Variants in TBC1D9B observed in about 807,000 individuals in gnomAD.
TBC1D9B encodes TBC1 domain family member 9B, also known as TBC1 domain family, member 9B (with GRAM domain).
TBC1D9B carries 87 observed loss-of-function variants against 121.1 expected under a neutral mutation model. The observed-to-expected ratio is 0.72, with a 90% confidence interval of 0.60 to 0.86. TBC1D9B has a LOEUF of 0.86. Ranked by LOEUF, TBC1D9B falls within the 40% of genes least tolerant of loss-of-function variation. The pLI is 0.00. For synonymous variants in TBC1D9B, 668 were observed against 670.1 expected (o/e 1.00, Z 0.05); for missense variants, 1,540 against 1,628.6 (o/e 0.95, Z 0.94).
intron 17 of TBC1D9B, 166 bp from the exon 18 acceptor site, chr5:179,868,015 T>C (rs1760073814): frequency 6.0e-6 from 3 of 503,258 alleles, no homozygotes; most frequent in Non-Finnish European, 9.9e-6. Flanking sequence ...ATGGTGATGA[T>C]TGGTTCTGGT....
chr5:179,877,772 T>C (rs533563275), intron 10 of TBC1D9B, among the ~76,000 whole-genome samples: 1 of 152,066 alleles, frequency 6.6e-6, no homozygotes, highest in South Asian at 2.1e-4. Context: ...TGGATGACCC[T>C]TGAGGATATC....
rs2113598678 is a variant in TBC1D9B, at chr5:179,865,544, T to C, written c.2915-184A>G. The C allele has an allele frequency of 7.8e-6, 5 of 641,582 alleles. No individual in the cohort carries two copies. In the South Asian group the frequency reaches 9.4e-5, roughly 12 times the overall value. The allele number at this position is 641,582 out of a possible 1,614,324, so 39.7% of individuals were successfully genotyped here. Reference sequence around the variant, plus strand: ...AGAACAGCCACAGGTTTTCCCTAAATTGCTGCAGTGGTTGGACCTAAGCTG... The same window carrying C: ...AGAACAGCCACAGGTTTTCCCTAAACTGCTGCAGTGGTTGGACCTAAGCTG... On this transcript the variant is annotated intron_variant, in intron 19 of 20. Coordinates refer to ENST00000355235, the MANE Select transcript of TBC1D9B (RefSeq NM_015043.4). The surrounding 1 kb of genome is among the most constrained non-coding windows in gnomAD (Gnocchi z 5.1).
At position 179,879,121 on chromosome 5, in the gene TBC1D9B, G is replaced by A; in HGVS notation, c.1493C>T (p.Thr498Ile). The change falls in exon 9 of 21, where the codon ACA becomes ATA. Residue 498 changes from threonine to isoleucine, a missense_variant. Transcript: ENST00000355235. ...EYGRGVCMYR[T>I]AKTRALVLKG... ...CAGGACCAGTGCCCGCGTCTTGGCT[G>A]TGCGGTACATGCACACGCCACGCCC... 2 of 1,608,018 alleles carry A rather than the reference G, an allele frequency of 1.2e-6. No homozygotes were observed. Among genetic ancestry groups the A allele is most frequent in the Non-Finnish European group, 1.7e-6 (2 of 1,179,906 alleles).
At position 179,863,733 on chromosome 5, in the gene TBC1D9B, G is replaced by C; in HGVS notation, c.3417C>G (p.Ser1139=). 2 of 1,613,672 alleles carry C rather than the reference G, an allele frequency of 1.2e-6. No homozygotes were observed. The highest frequency in any genetic ancestry group is 1.7e-6 in the Non-Finnish European group (2 of 1,180,030). Reference sequence around the variant, plus strand: ...GGGAGCCCGTGCTGACCACCGAGTAGGAGGACATGGACATGTCGTCTTTGG... The same window carrying C: ...GGGAGCCCGTGCTGACCACCGAGTACGAGGACATGGACATGTCGTCTTTGG... ...DETKDDMSMS[S]YSVVSTGSLQ... The change falls in exon 21 of 21, where the codon TCC becomes TCG. Residue 1139 remains serine (S), a synonymous_variant. Transcript: ENST00000355235. This position sits in a 1 kb window ranked among gnomAD's most constrained non-coding sequence, Gnocchi z 4.5.
chr5:179,871,392 A>C, intron 15 of TBC1D9B, 70 bp downstream of exon 15: 1 of 1,464,590 alleles, frequency 6.8e-7, no homozygotes, highest in Non-Finnish European at 9.5e-7. Flanking sequence ...GGATACTCTT[A>C]GATCCATTTC....
At position 179,904,789 on chromosome 5, in the gene TBC1D9B, C is replaced by T. The variant is rs147600483; in HGVS notation, c.142G>A (p.Val48Met). The change falls in exon 2 of 21, where the codon GTG becomes ATG. Residue 48 changes from valine (V) to methionine (M), a missense_variant. Val to Met is a conservative substitution (Grantham distance 21, BLOSUM62 1). Transcript: ENST00000355235. This position sits in a 1 kb window ranked among gnomAD's most constrained non-coding sequence, Gnocchi z 4.2. ...ACGCGGGCACTGGAGTCCAGCACCA[C>T]GTCCAGGGTGCCCACGAGAAGACCT... is the stretch of plus-strand genomic sequence containing the variant. Reference protein sequence around the residue: ...LTGLLVGTLDVVLDSSARVAP... With the variant: ...LTGLLVGTLDMVLDSSARVAP... 3.7e-3 allele frequency: 5,754 copies of T among 1,568,500 alleles called. 24 individuals carry two copies. Among genetic ancestry groups the T allele is most frequent in the Non-Finnish European group, 4.3e-3 (4,967 of 1,156,694 alleles).
chr5:179,893,526 T>A, intron 4 of TBC1D9B, 59 bp from the exon 5 acceptor site: 2 of 1,546,390 alleles, frequency 1.3e-6, no homozygotes, highest in East Asian at 4.5e-5. Flanking sequence ...AGGCTCCTGA[T>A]GCCCATCTGT....
At position 179,863,388 on chromosome 5, in the gene TBC1D9B, G is replaced by A; in HGVS notation, c.*60C>T. On this transcript the variant is annotated 3_prime_UTR_variant, in exon 21 of 21. Coordinates refer to ENST00000355235, the MANE Select transcript of TBC1D9B (RefSeq NM_015043.4). This position sits in a 1 kb window ranked among gnomAD's most constrained non-coding sequence, Gnocchi z 4.5. ...AGAAACTGATAAGGGAGGAAAGGCA[G>A]GAGGAGATGAGGCCAGCCCCACTGA... 1 of 1,548,832 alleles carries A rather than the reference G, an allele frequency of 6.5e-7. No homozygotes were observed. The highest frequency in any genetic ancestry group is 8.7e-7 in the Non-Finnish European group (1 of 1,143,216).
intron 16 of TBC1D9B, 77 bp from the exon 17 acceptor site, chr5:179,869,911 T>A: frequency 7.4e-7 from 1 of 1,354,592 alleles, no homozygotes; most frequent in Non-Finnish European, 1.0e-6. Context: ...AGTAGGACCC[T>A]CTTCACAGCC....
At chr5:179,897,563 G>T (rs1761056222) in intron 3 of TBC1D9B, among the ~76,000 whole-genome samples, 1 of 152,118 alleles carries the variant, frequency 6.6e-6, no homozygotes, top group Non-Finnish European at 1.5e-5. Context: ...GACCTCAAGT[G>T]ATCCGCCCGT....
intron 2 of TBC1D9B, among the ~76,000 whole-genome samples, chr5:179,903,162 G>A (rs553935469): frequency 2.0e-5 from 3 of 152,300 alleles, no homozygotes; most frequent in Non-Finnish European, 4.4e-5. Flanking sequence ...CTTCAGAGAG[G>A]TACTGAGAGG....
chr5:179,867,387 A>T, intron 18 of TBC1D9B: 1 of 1,480,114 alleles, frequency 6.8e-7, no homozygotes, highest in Middle Eastern at 1.8e-4. Context: ...AGGCTTCCTG[A>T]TAGTGCAGGA....
At chr5:179,879,343 C>G in intron 8 of TBC1D9B, 146 bp from the exon 9 acceptor site, 1 of 1,305,868 alleles carries the variant, frequency 7.7e-7, no homozygotes, top group Non-Finnish European at 1.0e-6. Context: ...AAGACCAGGC[C>G]GCGCTGAGCC....
In TBC1D9B at chr5:179,907,782, G is replaced by A; in HGVS notation, c.40C>T (p.Leu14=). The change falls in exon 1 of 21, where the codon CTG becomes TTG. Residue 14 remains leucine (L), a synonymous_variant. Transcript: ENST00000355235. The surrounding 1 kb of genome is among the most constrained non-coding windows in gnomAD (Gnocchi z 5.3). ...GGGTTGGCCCGCTCCGTCACCCACA[G>A]CGCATTGGCCACCAGCACCTCCTCC... The part of the protein sequence containing the change: ...SPEEVLVANA[L]WVTERANPFF... 1 of 1,228,804 alleles carries A rather than the reference G, an allele frequency of 8.1e-7. No homozygotes were observed. Among genetic ancestry groups the A allele is most frequent in the Non-Finnish European group, 1.0e-6 (1 of 957,122 alleles). The allele number at this position is 1,228,804 out of a possible 1,614,324, so 76.1% of individuals were successfully genotyped here.
Position 179,862,500 on chromosome 5 carries a change from T to C in TBC1D9B, c.*948A>G. ...CACCAGGACCCACAACCCCTGCCCA[T>C]GAAGACCTGTGGAGCTCAGGGCATC... is the stretch of plus-strand genomic sequence containing the variant. On this transcript the variant is annotated 3_prime_UTR_variant, in exon 21 of 21. Coordinates refer to ENST00000355235, the MANE Select transcript of TBC1D9B (RefSeq NM_015043.4). 2.2e-6 allele frequency: 1 copy of C among 448,334 alleles called. No individual in the cohort carries two copies. The highest frequency in any genetic ancestry group is 4.5e-6 in the Non-Finnish European group (1 of 220,248). The allele number at this position is 448,334 out of a possible 1,614,324, so 27.8% of individuals were successfully genotyped here.
In TBC1D9B at chr5:179,865,728, G is replaced by A. The variant is rs1021774627; in HGVS notation, c.2914+110C>T. ...TGCTCCCTGATCGGGGGACGCATCC[G>A]CCATCTCCCGGGGTAGGGGGCTCCC... On this transcript the variant is annotated intron_variant, in intron 19 of 20. Coordinates refer to ENST00000355235, the MANE Select transcript of TBC1D9B (RefSeq NM_015043.4). The surrounding 1 kb of genome is among the most constrained non-coding windows in gnomAD (Gnocchi z 5.1). The A allele has an allele frequency of 1.1e-5, 14 of 1,245,318 alleles. No homozygotes were observed. In the East Asian group the frequency reaches 1.4e-4, roughly 12 times the overall value. The allele number at this position is 1,245,318 out of a possible 1,614,324, so 77.1% of individuals were successfully genotyped here.
chr5:179,901,722 T>C (rs1300738899), intron 2 of TBC1D9B, among the ~76,000 whole-genome samples: 1 of 152,210 alleles, frequency 6.6e-6, no homozygotes, highest in Non-Finnish European at 1.5e-5. Flanking sequence ...GAGCTGTGAT[T>C]GCACCACGGC....
At chr5:179,884,826 G>A (rs1367411106) in intron 7 of TBC1D9B, among the ~76,000 whole-genome samples, 1 of 152,230 alleles carries the variant, frequency 6.6e-6, no homozygotes, top group Non-Finnish European at 1.5e-5. Context: ...CAAAAAGGTA[G>A]AATGGTGCTT....
chr5:179,894,185 G>A (rs571273916), intron 4 of TBC1D9B, among the ~76,000 whole-genome samples: 712 of 152,324 alleles, frequency 4.7e-3, no homozygotes, highest in Non-Finnish European at 7.1e-3. Flanking sequence ...CCCTACTAGC[G>A]AGTGGGGGGC....
Sources: gnomAD v4.1 joint callset for allele counts (sites outside exome capture counted in the v4.1 genomes callset) on GRCh38, gnomAD v4.1.1 for gene constraint, Gnocchi (gnomAD v3.1) non-coding constraint, MANE v1.5 for transcripts, NCBI Gene and HGNC (gene_info 2026-07-23, HGNC 2026-07-21) for gene names.